The following PDE3A variants were observed in gnomAD, a reference collection of about 807,000 sequenced individuals.
The protein encoded by PDE3A is phosphodiesterase 3A.
PDE3A carries 43 observed loss-of-function variants against 98.3 expected under a neutral mutation model. The ratio of observed to expected loss-of-function variants is 0.44; its 90% CI spans 0.34 to 0.56. PDE3A has a LOEUF of 0.56. Among genes scored for constraint, PDE3A ranks in the 20% least tolerant of loss-of-function variants. The pLI is 0.01. For synonymous variants in PDE3A, 663 were observed against 567.9 expected (o/e 1.17, Z -2.38); for missense variants, 1,427 against 1,440.7 (o/e 0.99, Z 0.15).
At chr12:20,387,459 A>G (rs888951722) in intron 1 of PDE3A, among the ~76,000 whole-genome samples, 4 of 151,838 alleles carry the variant, frequency 2.6e-5, no homozygotes, top group African/African-American at 9.7e-5. Flanking sequence ...TGGATGCTCT[A>G]AATATCTTAA....
At chr12:20,400,639 C>T (rs1287888241) in intron 1 of PDE3A, among the ~76,000 whole-genome samples, 3 of 151,910 alleles carry the variant, frequency 2.0e-5, no homozygotes, top group Non-Finnish European at 4.4e-5. Context: ...AAGATGGTCT[C>T]GATCTCCTGA....
chr12:20,473,496 A>G (rs889682071), intron 1 of PDE3A, among the ~76,000 whole-genome samples: 2 of 152,072 alleles, frequency 1.3e-5, no homozygotes, highest in African/African-American at 4.8e-5. Flanking sequence ...ACACTAGCCA[A>G]CTCGATGCAT....
chr12:20,508,449 C>T (rs1281391554), intron 1 of PDE3A, among the ~76,000 whole-genome samples: 1 of 151,258 alleles, frequency 6.6e-6, no homozygotes, highest in Non-Finnish European at 1.5e-5. Context: ...CTGATATTTC[C>T]CAATCATCTA....
At chr12:20,619,972 G>C (rs995353903) in intron 4 of PDE3A, among the ~76,000 whole-genome samples, 2 of 152,130 alleles carry the variant, frequency 1.3e-5, no homozygotes, top group East Asian at 3.9e-4. Flanking sequence ...ACAATAGTAA[G>C]ACCCATGCTT....
At chr12:20,575,483 C>T (rs1942908327) in intron 2 of PDE3A, among the ~76,000 whole-genome samples, 4 of 152,004 alleles carry the variant, frequency 2.6e-5, no homozygotes, top group African/African-American at 9.7e-5. Flanking sequence ...ATTTGCCTTG[C>T]AACTTGGTTT....
At chr12:20,420,977 A>G (rs1318885600) in intron 1 of PDE3A, among the ~76,000 whole-genome samples, 1 of 152,182 alleles carries the variant, frequency 6.6e-6, no homozygotes, top group African/African-American at 2.4e-5. Flanking sequence ...CATTTGGCAG[A>G]ACAGGACCAA....
At chr12:20,607,050 A>AGTT (rs1943727037) in intron 2 of PDE3A, among the ~76,000 whole-genome samples, 4 of 151,962 alleles carry the variant, frequency 2.6e-5, no homozygotes, top group Non-Finnish European at 4.4e-5. Flanking sequence ...GGCCATTAAC[A>AGTT]ATTGTGGTAG....
At chr12:20,380,662 G>A (rs1298411865) in intron 1 of PDE3A, among the ~76,000 whole-genome samples, 1 of 151,652 alleles carries the variant, frequency 6.6e-6, no homozygotes, top group Non-Finnish European at 1.5e-5. Flanking sequence ...GAACCTTATG[G>A]TGTCAAGTTT....
At chr12:20,438,862 C>A (rs918275432) in intron 1 of PDE3A, among the ~76,000 whole-genome samples, 7 of 151,898 alleles carry the variant, frequency 4.6e-5, no homozygotes, top group African/African-American at 1.4e-4. Flanking sequence ...CAGGTTCAAG[C>A]GATTCTCCTG....
rs73232467 is a variant in PDE3A at position 20,379,598 on chromosome 12, G to T, written c.960+9354G>T. On this transcript the variant is annotated intron_variant, in intron 1 of 15. Coordinates refer to ENST00000359062, the MANE Select transcript of PDE3A (RefSeq NM_000921.5). ...TGGCCCAGTGTCTTGCTTATTGTAAGTGCTGGCTGGATGGTAGGAAAAATG... is the reference window on the plus strand; with the variant it reads ...TGGCCCAGTGTCTTGCTTATTGTAATTGCTGGCTGGATGGTAGGAAAAATG... Among the ~76,000 whole-genome samples, 517 of 151,868 alleles carry T rather than the reference G, an allele frequency of 3.4e-3. 3 individuals carry two copies. Among genetic ancestry groups the T allele is most frequent in the African/African-American group, 0.012 (488 of 41,492 alleles).
intron 1 of PDE3A, among the ~76,000 whole-genome samples, chr12:20,385,876 C>T (rs1445592631): frequency 3.4e-5 from 5 of 145,678 alleles, no homozygotes; most frequent in Non-Finnish European, 7.4e-5. Flanking sequence ...CAACATGGCA[C>T]ATGTATACAT....
chr12:20,373,506 T>C (rs534582651), intron 1 of PDE3A, among the ~76,000 whole-genome samples: 73 of 152,284 alleles, frequency 4.8e-4, no homozygotes, highest in Non-Finnish European at 9.9e-4. Flanking sequence ...GGGGTGTCTC[T>C]CCATTCTCTT....
At chr12:20,641,478 T>C (rs1051503026) in intron 10 of PDE3A, among the ~76,000 whole-genome samples, 1 of 152,136 alleles carries the variant, frequency 6.6e-6, no homozygotes, top group African/African-American at 2.4e-5. Context: ...AAATAAACTT[T>C]TATAGAAAGG....
Position 20,616,289 on chromosome 12 carries a change from C to T in PDE3A, c.1329C>T (p.Thr443=). 1 of 1,613,970 alleles carries T rather than the reference C, an allele frequency of 6.2e-7. No individual in the cohort carries two copies. The highest frequency in any genetic ancestry group is 8.5e-7 in the Non-Finnish European group (1 of 1,179,962). The change falls in exon 4 of 16, where the codon ACC becomes ACT. Residue 443 remains threonine, a synonymous_variant. Transcript: ENST00000359062. ...LLRRVSSTWT[T]TTSATGLPTL... ...GACGAGTTTCTTCCACTTGGACCACCACCACCTCGGCCACAGGTCTACCCA... is the reference window on the plus strand; with the variant it reads ...GACGAGTTTCTTCCACTTGGACCACTACCACCTCGGCCACAGGTCTACCCA...
intron 2 of PDE3A, among the ~76,000 whole-genome samples, chr12:20,566,719 A>G (rs1478904348): frequency 6.6e-6 from 1 of 151,990 alleles, no homozygotes; most frequent in Admixed American, 6.6e-5. Flanking sequence ...ATTGGAAAAT[A>G]TAGAAAAGAC....
chr12:20,639,815 A>T (rs756962323), intron 9 of PDE3A, 31 bp from the exon 10 acceptor site: 5 of 932,450 alleles, frequency 5.4e-6, no homozygotes, highest in South Asian at 5.2e-5. Flanking sequence ...ACACATAGGG[A>T]TGTTTCATAA....
chr12:20,639,959 T>C lies in PDE3A; in HGVS notation c.2251+2T>C. On this transcript the variant is annotated splice_donor_variant, in intron 10 of 15. Coordinates refer to ENST00000359062, the MANE Select transcript of PDE3A (RefSeq NM_000921.5). LOFTEE classifies it high-confidence loss of function. ...AGATTGGATATAGGGATATTCCTTG[T>C]AAGTATATGTGATTTGTGAAATAAT... is the stretch of plus-strand genomic sequence containing the variant. 1 of 1,179,470 alleles carries C rather than the reference T, an allele frequency of 8.5e-7. No individual in the cohort carries two copies. The highest frequency in any genetic ancestry group is 1.3e-6 in the Non-Finnish European group (1 of 786,358). 73.1% of individuals were successfully genotyped at this position (1,179,470 alleles called of 1,614,324 possible). A position where few individuals can be genotyped will look rare whatever the true frequency, so the allele number is the denominator to read the frequency against.
intron 2 of PDE3A, among the ~76,000 whole-genome samples, chr12:20,589,382 T>C (rs1245428843): frequency 6.6e-6 from 1 of 152,218 alleles, no homozygotes; most frequent in Non-Finnish European, 1.5e-5. Context: ...TCATGGTAAG[T>C]AAATTGACAT....
At chr12:20,468,533 C>T (rs1945382958) in intron 1 of PDE3A, among the ~76,000 whole-genome samples, 1 of 152,054 alleles carries the variant, frequency 6.6e-6, no homozygotes, top group African/African-American at 2.4e-5. Flanking sequence ...ATAAACATGC[C>T]AGAGATGATT....
Sources: gnomAD v4.1 joint callset for allele counts (sites outside exome capture counted in the v4.1 genomes callset) on GRCh38, gnomAD v4.1.1 for gene constraint, MANE v1.5 for transcripts, NCBI Gene and HGNC (gene_info 2026-07-23, HGNC 2026-07-21) for gene names.